CRTAM: variants seen among roughly 807,000 people sequenced by gnomAD.
The protein encoded by CRTAM is cytotoxic and regulatory T-cell molecule.
A neutral mutation model predicts 50.0 loss-of-function variants in CRTAM; 44 were observed. The observed-to-expected ratio is 0.88, with a 90% CI of 0.69 to 1.13. The LOEUF (loss-of-function observed/expected upper bound fraction) is 1.13, where lower values mean the gene tolerates loss of function less well. Ranked by LOEUF, CRTAM falls within the 50% of genes most tolerant of loss-of-function variation. The pLI is 0.00. For synonymous variants in CRTAM, 159 were observed against 169.3 expected (o/e 0.94, Z 0.47); for missense variants, 448 against 457.5 (o/e 0.98, Z 0.19).
chr11:122,841,591 A>G (rs1271278186), intron 1 of CRTAM, among the ~76,000 whole-genome samples: 1 of 151,896 alleles, frequency 6.6e-6, no homozygotes, highest in African/African-American at 2.4e-5. Context: ...TAGTAGAGAC[A>G]GGCTTTCACC....
At chr11:122,854,150 GT>G (rs1861973837) in intron 4 of CRTAM, 64 bp downstream of exon 4, 1 of 1,556,504 alleles carries the variant, frequency 6.4e-7, no homozygotes, top group South Asian at 1.2e-5. Flanking sequence ...ATTTTTAAAT[GT>G]TTTGGCACCC....
chr11:122,851,918 C>T, intron 3 of CRTAM, 73 bp downstream of exon 3: 1 of 1,392,774 alleles, frequency 7.2e-7, no homozygotes, highest in Non-Finnish European at 9.9e-7. Flanking sequence ...TTAAACTGAA[C>T]CTTTTAGTTT....
chr11:122,864,501 T>C (rs1201023239), intron 6 of CRTAM, 135 bp from the exon 7 acceptor site: 1 of 575,384 alleles, frequency 1.7e-6, no homozygotes, highest in African/African-American at 1.9e-5. Flanking sequence ...AAATCCATAG[T>C]TCACAAATGA....
chr11:122,839,709 C>A (rs1861776720), intron 1 of CRTAM, among the ~76,000 whole-genome samples: 2 of 152,140 alleles, frequency 1.3e-5, no homozygotes, highest in Admixed American at 1.3e-4. Context: ...CACAAATCCA[C>A]TCAAAAATTT....
Position 122,864,619 on chromosome 11 carries a change from A to G in CRTAM, c.734-17A>G. 1 of 1,579,480 alleles carries G rather than the reference A, an allele frequency of 6.3e-7. No homozygotes were observed. Among genetic ancestry groups the G allele is most frequent in the Non-Finnish European group, 8.7e-7 (1 of 1,148,620 alleles). ...ATAATGCATGCATAGCTCATGTTTT[A>G]TCTTCTTTCACTTTAGTCTCAGTAA... On this transcript the variant is annotated splice_polypyrimidine_tract_variant and intron_variant, in intron 6 of 9. Transcript: ENST00000227348.
intron 6 of CRTAM, among the ~76,000 whole-genome samples, chr11:122,863,657 A>G (rs994563480): frequency 2.0e-5 from 3 of 152,212 alleles, no homozygotes; most frequent in African/African-American, 7.2e-5. Flanking sequence ...GACAATGGAA[A>G]TTGAAAATAT....
intron 5 of CRTAM, among the ~76,000 whole-genome samples, chr11:122,856,508 A>G (rs1862009833): frequency 6.6e-6 from 1 of 152,268 alleles, no homozygotes; most frequent in South Asian, 2.1e-4. Flanking sequence ...TTTAAGATGC[A>G]TGAGTCCTGT....
At chr11:122,855,581 A>G in intron 4 of CRTAM, 114 bp from the exon 5 acceptor site, 1 of 835,490 alleles carries the variant, frequency 1.2e-6, no homozygotes, top group African/African-American at 1.7e-5. Flanking sequence ...GGCTGAGGTT[A>G]GAATGAGGTT....
chr11:122,842,645 G>A (rs1267758232), intron 1 of CRTAM, among the ~76,000 whole-genome samples: 1 of 152,204 alleles, frequency 6.6e-6, no homozygotes. Flanking sequence ...AGAGAAGAGA[G>A]ACTAGAACTA....
chr11:122,844,338 C>T (rs552800989), intron 1 of CRTAM, among the ~76,000 whole-genome samples: 130 of 152,318 alleles, frequency 8.5e-4, no homozygotes, highest in Non-Finnish European at 1.3e-3. Flanking sequence ...GCAGATAAAT[C>T]TCACCACTCC....
intron 3 of CRTAM, among the ~76,000 whole-genome samples, chr11:122,852,797 G>A (rs1452186990): frequency 3.3e-5 from 5 of 152,316 alleles, no homozygotes; most frequent in Non-Finnish European, 5.9e-5. Flanking sequence ...TTTAGGGGCT[G>A]AAGCCACACC....
intron 1 of CRTAM, among the ~76,000 whole-genome samples, chr11:122,845,333 G>A (rs4369419): frequency 0.39 from 59,659 of 151,956 alleles, 11,957 homozygotes; most frequent in Admixed American, 0.51. Context: ...ATTTCAACGA[G>A]GTAGTGGAGT....
At chr11:122,865,195 C>T (rs1862153447) in intron 7 of CRTAM, among the ~76,000 whole-genome samples, 1 of 152,040 alleles carries the variant, frequency 6.6e-6, no homozygotes, top group Non-Finnish European at 1.5e-5. Flanking sequence ...CGCCACCACC[C>T]CAGCTAATTT....
At chr11:122,862,573 T>C (rs745851877) in intron 6 of CRTAM, 29 bp downstream of exon 6, 1 of 1,367,354 alleles carries the variant, frequency 7.3e-7, no homozygotes, top group Non-Finnish European at 1.0e-6. Context: ...CAAACTTGTT[T>C]TTAAAAAATC....
intron 1 of CRTAM, among the ~76,000 whole-genome samples, chr11:122,843,565 G>A (rs1159680616): frequency 6.6e-6 from 1 of 152,120 alleles, no homozygotes; most frequent in Non-Finnish European, 1.5e-5. Context: ...TAGGTGTATG[G>A]CACTCGGGGT....
At chr11:122,846,673 T>C (rs1277375690) in intron 1 of CRTAM, among the ~76,000 whole-genome samples, 1 of 152,194 alleles carries the variant, frequency 6.6e-6, no homozygotes, top group Non-Finnish European at 1.5e-5. Flanking sequence ...ATAATGATTG[T>C]GTACCATGAA....
intron 1 of CRTAM, among the ~76,000 whole-genome samples, chr11:122,848,659 A>G (rs1265269386): frequency 1.3e-5 from 2 of 152,194 alleles, no homozygotes; most frequent in East Asian, 3.8e-4. Context: ...GAGCTCTCCA[A>G]AGCACTTTTC....
At chr11:122,865,519 T>C (rs1194722333) in intron 7 of CRTAM, among the ~76,000 whole-genome samples, 1 of 151,768 alleles carries the variant, frequency 6.6e-6, no homozygotes, top group Admixed American at 6.6e-5. Context: ...ACTCCAGGGC[T>C]CAAGAGATCT....
chr11:122,854,140 A>ATTTTTAAATG, intron 4 of CRTAM, 54 bp downstream of exon 4: 2 of 1,583,774 alleles, frequency 1.3e-6, no homozygotes, highest in Non-Finnish European at 1.7e-6. Flanking sequence ...TTTCCAGGGG[A>ATTTTTAAATG]TTTTTAAATG....
Sources: gnomAD v4.1 joint callset for allele counts (sites outside exome capture counted in the v4.1 genomes callset) on GRCh38, gnomAD v4.1.1 for gene constraint, MANE v1.5 for transcripts, NCBI Gene and HGNC (gene_info 2026-07-23, HGNC 2026-07-21) for gene names.